The following SPMIP2 variants were observed in gnomAD, a reference collection of about 807,000 sequenced individuals.
SPMIP2 encodes sperm microtubule inner protein 2, also known as protein SPMIP2.
the SPMIP2 span, among the ~76,000 whole-genome samples, chr4:159,002,755 TACATATCACTGCACACACACAC>T: frequency 4.2e-5 from 6 of 143,432 alleles, no homozygotes; most frequent in African/African-American, 1.6e-4. Context: ...GTTTTAATGA[TACATATCACTGCACACACACAC>T]ACACACACAC....
At chr4:159,052,955 A>ATTT in the SPMIP2 span, among the ~76,000 whole-genome samples, 8 of 132,080 alleles carry the variant, frequency 6.1e-5, no homozygotes, top group Admixed American at 1.6e-4. Context: ...TATTATTATT[A>ATTT]TTTTTTTTTT....
chr4:158,906,293 A>G, the SPMIP2 span: 3 of 152,224 alleles, frequency 2.0e-5, no homozygotes, highest in African/African-American at 4.8e-5. Context: ...ATAAACTGTC[A>G]GAGCTGATGT....
At chr4:158,937,646 C>T in the SPMIP2 span, 1 of 154,386 alleles carries the variant, frequency 6.5e-6, no homozygotes, top group Non-Finnish European at 1.5e-5. Context: ...CCATCTGTTT[C>T]TTCTGTCTTT....
chr4:158,989,746 A>C, the SPMIP2 span, among the ~76,000 whole-genome samples: 1 of 152,226 alleles, frequency 6.6e-6, no homozygotes, highest in African/African-American at 2.4e-5. Flanking sequence ...TGGACTAAAG[A>C]CTTAAATGTA....
chr4:158,958,570 C>T, the SPMIP2 span, among the ~76,000 whole-genome samples: 2 of 152,174 alleles, frequency 1.3e-5, no homozygotes, highest in Admixed American at 1.3e-4. Flanking sequence ...GCTTTGAACC[C>T]AGGAGATGCT....
chr4:158,956,839 T>G, the SPMIP2 span, among the ~76,000 whole-genome samples: 1 of 152,220 alleles, frequency 6.6e-6, no homozygotes, highest in African/African-American at 2.4e-5. Context: ...CTCTCCATAA[T>G]TACATTTGTT....
chr4:158,949,688 C>T, the SPMIP2 span, among the ~76,000 whole-genome samples: 4 of 152,176 alleles, frequency 2.6e-5, no homozygotes, highest in Non-Finnish European at 5.9e-5. Flanking sequence ...TTATTACTTA[C>T]TTGGGAAGGA....
At chr4:158,987,815 C>A in the SPMIP2 span, among the ~76,000 whole-genome samples, 1 of 151,666 alleles carries the variant, frequency 6.6e-6, no homozygotes, top group African/African-American at 2.4e-5. Context: ...AATTGACACC[C>A]TAACATCACA....
At chr4:159,066,879 G>A in the SPMIP2 span, among the ~76,000 whole-genome samples, 8 of 152,262 alleles carry the variant, frequency 5.3e-5, no homozygotes, top group South Asian at 1.2e-3. Flanking sequence ...CGCTGCCTTT[G>A]CAGAGGGAAG....
the SPMIP2 span, among the ~76,000 whole-genome samples, chr4:158,924,857 T>C: frequency 6.6e-6 from 1 of 152,214 alleles, no homozygotes; most frequent in Admixed American, 6.5e-5. Flanking sequence ...GTATATTACA[T>C]TGATTGATTT....
At chr4:158,969,618 C>G in the SPMIP2 span, among the ~76,000 whole-genome samples, 1 of 152,170 alleles carries the variant, frequency 6.6e-6, no homozygotes, top group African/African-American at 2.4e-5. Flanking sequence ...AAGTTATTAT[C>G]TTCCTGCAAA....
At chr4:158,922,213 C>T in the SPMIP2 span, among the ~76,000 whole-genome samples, 2 of 152,064 alleles carry the variant, frequency 1.3e-5, no homozygotes, top group South Asian at 4.1e-4. Context: ...TTTGATCTGC[C>T]TCCTTGTCTA....
the SPMIP2 span, among the ~76,000 whole-genome samples, chr4:158,894,530 T>C: frequency 6.6e-6 from 1 of 152,184 alleles, no homozygotes; most frequent in Non-Finnish European, 1.5e-5. Context: ...AGACCACAGT[T>C]CTTATTTCCA....
the SPMIP2 span, among the ~76,000 whole-genome samples, chr4:159,056,749 G>T: frequency 3.9e-5 from 6 of 152,154 alleles, no homozygotes; most frequent in Admixed American, 3.9e-4. Context: ...AATAGAATGA[G>T]CAGAGGTACA....
chr4:158,985,435 A>C, the SPMIP2 span, among the ~76,000 whole-genome samples: 1 of 151,064 alleles, frequency 6.6e-6, no homozygotes, highest in Non-Finnish European at 1.5e-5. Context: ...CTTATCCACC[A>C]TGATCAAGTG....
the SPMIP2 span, chr4:158,973,092 C>A: frequency 6.3e-7 from 1 of 1,579,910 alleles, no homozygotes; most frequent in South Asian, 1.1e-5. Flanking sequence ...GATATGAAAG[C>A]CACTCCCCAG....
chr4:158,985,311 C>A, the SPMIP2 span, among the ~76,000 whole-genome samples: 1 of 140,462 alleles, frequency 7.1e-6, no homozygotes, highest in African/African-American at 2.7e-5. Context: ...GATACCAAAG[C>A]TGGGCAGAGA....
the SPMIP2 span, among the ~76,000 whole-genome samples, chr4:159,030,466 TA>T: frequency 2.9e-3 from 13 of 4,468 alleles, no homozygotes; most frequent in African/African-American, 0.026. Context: ...AGCAAAATTT[TA>T]TTTATTTATT....
the SPMIP2 span, among the ~76,000 whole-genome samples, chr4:159,076,822 C>T: frequency 1.4e-5 from 2 of 147,378 alleles, no homozygotes; most frequent in Non-Finnish European, 3.0e-5. Context: ...CATGCATCAC[C>T]ATTCCTGGCA....
Sources: gnomAD v4.1 joint callset for allele counts (sites outside exome capture counted in the v4.1 genomes callset) on GRCh38, gnomAD v4.1.1 for gene constraint, MANE v1.5 for transcripts, NCBI Gene and HGNC (gene_info 2026-07-23, HGNC 2026-07-21) for gene names.